The following GRID1 variants were observed in gnomAD, a reference collection of about 807,000 sequenced individuals.
GRID1 encodes glutamate receptor ionotropic, delta-1.
Under a neutral mutation model 98.0 loss-of-function variants are expected in GRID1, and 28 were observed. The observed-to-expected ratio is 0.29, with a 90% CI of 0.21 to 0.39. The LOEUF (loss-of-function observed/expected upper bound fraction) is 0.39, where lower values mean the gene tolerates loss of function less well. GRID1 is among the 10% of genes least tolerant of loss of function. The probability of loss-of-function intolerance (pLI) is 1.00; values close to 1 mark genes in which losing one functional copy is unlikely to be tolerated. For missense variants in GRID1, 1,111 were observed against 1,340.5 expected (o/e 0.83, Z 2.67); for synonymous variants, 553 against 538.5 (o/e 1.03, Z -0.37).
chr10:86,158,458 G>A (rs1054836988), intron 3 of GRID1, among the ~76,000 whole-genome samples: 1 of 152,184 alleles, frequency 6.6e-6, no homozygotes, highest in Non-Finnish European at 1.5e-5. Flanking sequence ...CCACTTACCT[G>A]TCCTGGTTTT....
chr10:85,873,858 A>G (rs1843302599), intron 5 of GRID1, among the ~76,000 whole-genome samples: 1 of 152,232 alleles, frequency 6.6e-6, no homozygotes, highest in South Asian at 2.1e-4. Context: ...TGGGTACCCC[A>G]TTAGCTTTCC....
At chr10:85,654,118 C>A (rs148570283) in intron 12 of GRID1, among the ~76,000 whole-genome samples, 332 of 152,256 alleles carry the variant, frequency 2.2e-3, no homozygotes, top group Middle Eastern at 0.02. Context: ...AAAATGCACG[C>A]TTCCATAGGT....
intron 3 of GRID1, among the ~76,000 whole-genome samples, chr10:86,170,860 C>T (rs1418536429): frequency 1.3e-5 from 2 of 152,106 alleles, no homozygotes; most frequent in Admixed American, 1.3e-4. Context: ...CAGCCAAATG[C>T]CAACCCATTT....
chr10:85,650,040 A>C (rs982916076), intron 12 of GRID1: 3 of 152,206 alleles, frequency 2.0e-5, no homozygotes, highest in African/African-American at 7.2e-5. Context: ...AGGGTGAATA[A>C]ACTTATGGAA....
At chr10:85,618,977 C>A (rs1842824720) in intron 14 of GRID1, among the ~76,000 whole-genome samples, 1 of 152,204 alleles carries the variant, frequency 6.6e-6, no homozygotes, top group South Asian at 2.1e-4. Flanking sequence ...ATGAGTGTTG[C>A]CCCTGAGCCT....
At chr10:86,348,704 A>G (rs887928279) in intron 2 of GRID1, among the ~76,000 whole-genome samples, 2 of 152,262 alleles carry the variant, frequency 1.3e-5, no homozygotes, top group African/African-American at 4.8e-5. Flanking sequence ...GGCAAGGCCA[A>G]GGCAGAGCCA....
intron 12 of GRID1, among the ~76,000 whole-genome samples, chr10:85,670,896 C>T (rs1399599799): frequency 1.3e-5 from 2 of 152,224 alleles, no homozygotes; most frequent in African/African-American, 4.8e-5. Context: ...CCCTTAACCT[C>T]TGGCCTTCTT....
intron 12 of GRID1, among the ~76,000 whole-genome samples, chr10:85,662,821 C>T (rs912471419): frequency 3.3e-5 from 5 of 152,150 alleles, no homozygotes; most frequent in East Asian, 1.9e-4. Flanking sequence ...CTGGACAAGC[C>T]GTTCATGGGT....
At chr10:86,081,077 C>T (rs1843971738) in intron 4 of GRID1, among the ~76,000 whole-genome samples, 1 of 152,052 alleles carries the variant, frequency 6.6e-6, no homozygotes, top group Non-Finnish European at 1.5e-5. Flanking sequence ...CAGAGGGGTT[C>T]CTGAGAGAAT....
chr10:85,817,155 A>G (rs1842723275), intron 8 of GRID1, among the ~76,000 whole-genome samples: 1 of 152,210 alleles, frequency 6.6e-6, no homozygotes, highest in Non-Finnish European at 1.5e-5. Context: ...ATGGTGCTGC[A>G]ACAAACACAC....
At chr10:86,188,612 C>A (rs1187873374) in intron 3 of GRID1, among the ~76,000 whole-genome samples, 4 of 152,186 alleles carry the variant, frequency 2.6e-5, no homozygotes, top group Non-Finnish European at 5.9e-5. Flanking sequence ...ATTTACAGCA[C>A]CTCCCTCTCT....
chr10:86,118,249 G>A (rs371909399), intron 4 of GRID1, among the ~76,000 whole-genome samples: 11 of 152,026 alleles, frequency 7.2e-5, no homozygotes, highest in African/African-American at 1.7e-4. Flanking sequence ...ATCAAACATC[G>A]TTATGTTCTC....
rs1243996282 is a variant in GRID1 at position 85,633,079 on chromosome 10, T to C, written c.2194-13046A>G. Among the ~76,000 whole-genome samples, 6 of 152,098 alleles carry C rather than the reference T, an allele frequency of 3.9e-5. No homozygotes were observed. In the South Asian group the frequency reaches 6.2e-4, roughly 16 times the overall value. On this transcript the variant is annotated intron_variant, in intron 13 of 15. Coordinates refer to ENST00000327946, the MANE Select transcript of GRID1 (RefSeq NM_017551.3). ...CTTGTTCCTTTTTATGGCTGTAGAGTATTCCATGGTGTATTAATTTTTGCA... is the reference window on the plus strand; with the variant it reads ...CTTGTTCCTTTTTATGGCTGTAGAGCATTCCATGGTGTATTAATTTTTGCA...
Position 85,849,518 on chromosome 10 carries a change from C to T in GRID1, c.1233+4978G>A, listed in dbSNP as rs375824168. 5.9e-5 allele frequency among the ~76,000 whole-genome samples: 9 copies of T among 152,280 alleles called. No homozygotes were observed. In the East Asian group the frequency reaches 1.2e-3, roughly 20 times the overall value. On this transcript the variant is annotated intron_variant, in intron 8 of 15. Transcript: ENST00000327946. ...GGCAGTGGTGGAAATTTCAATTCAG[C>T]AGGCTCCCAGCCAACAGGAAGGGAC...
At chr10:85,836,676 C>A (rs1419238826) in intron 8 of GRID1, among the ~76,000 whole-genome samples, 1 of 152,196 alleles carries the variant, frequency 6.6e-6, no homozygotes, top group Non-Finnish European at 1.5e-5. Flanking sequence ...GTACAGCTAT[C>A]TCCCTAGGCT....
At position 86,363,960 on chromosome 10, in the gene GRID1, T is replaced by A; in HGVS notation, c.216A>T (p.Pro72=). ...YSIKVIEANN[P]FQAVQEACDL... is the part of the protein sequence containing the mutation. ...ACTCACCTTCCTGCACAGCCTGGAA[T>A]GGGTTGTTGGCCTCGATGACCTTGA... Residue 72 remains proline, a synonymous_variant, in exon 2 of 16, where the codon CCA becomes CCT. Coordinates refer to ENST00000327946, the MANE Select transcript of GRID1 (RefSeq NM_017551.3). The A allele has an allele frequency of 6.2e-7, 1 of 1,614,068 alleles. No individual in the cohort carries two copies.
chr10:85,847,185 A>C (rs1023330289), intron 8 of GRID1, among the ~76,000 whole-genome samples: 1 of 152,252 alleles, frequency 6.6e-6, no homozygotes, highest in East Asian at 1.9e-4. Flanking sequence ...GGAGACACAC[A>C]GAAAAGATAC....
At chr10:86,087,819 C>T (rs1371289111) in intron 4 of GRID1, among the ~76,000 whole-genome samples, 3 of 152,142 alleles carry the variant, frequency 2.0e-5, no homozygotes, top group South Asian at 2.1e-4. Flanking sequence ...TGAGACCCCA[C>T]CGTGCAAAGG....
intron 2 of GRID1, among the ~76,000 whole-genome samples, chr10:86,353,913 C>T (rs1190579200): frequency 6.6e-6 from 1 of 152,206 alleles, no homozygotes; most frequent in African/African-American, 2.4e-5. Context: ...GCATCTGACA[C>T]TGGCCACTGG....
Sources: allele counts gnomAD v4.1 joint callset (sites outside exome capture counted in the v4.1 genomes callset), GRCh38; gene constraint gnomAD v4.1.1; transcripts MANE v1.5; gene names NCBI Gene and HGNC (gene_info 2026-07-23, HGNC 2026-07-21).